The following HMGCLL1 variants were observed in gnomAD, a reference collection of about 807,000 sequenced individuals.
The protein encoded by HMGCLL1 is 3-hydroxymethyl-3-methylglutaryl-CoA lyase, cytoplasmic.
In HMGCLL1, 36 loss-of-function variants were observed where a neutral mutation model predicts 39.1. That is an observed-to-expected ratio of 0.92 (90% CI 0.71 to 1.22). The LOEUF (loss-of-function observed/expected upper bound fraction) is 1.22, where lower values mean the gene tolerates loss of function less well. HMGCLL1 is among the 50% of genes most tolerant of loss of function. The probability of loss-of-function intolerance (pLI) is 0.00; values close to 1 mark genes in which losing one functional copy is unlikely to be tolerated. For synonymous variants in HMGCLL1, 149 were observed against 144.0 expected, an observed-to-expected ratio of 1.03 and a Z score of -0.25; for missense variants, 451 against 416.5, an observed-to-expected ratio of 1.08 and a Z score of -0.72.
chr6:55,439,636 T>C (rs183025774), intron 7 of HMGCLL1, 77 bp from the exon 8 acceptor site: 4 of 1,515,806 alleles, frequency 2.6e-6, no homozygotes, highest in Admixed American at 1.8e-5. Flanking sequence ...TAACCTATGG[T>C]AAACTGCAAA....
chr6:55,584,906 T>C, the HMGCLL1 span, among the ~76,000 whole-genome samples: 2 of 151,600 alleles, frequency 1.3e-5, no homozygotes, highest in Admixed American at 6.6e-5. Flanking sequence ...CCTTAAACAA[T>C]AAAAAAGAAA....
At chr6:55,662,126 T>C in the HMGCLL1 span, among the ~76,000 whole-genome samples, 2 of 151,842 alleles carry the variant, frequency 1.3e-5, no homozygotes. Context: ...AATCATGTTG[T>C]CTCCAAACAG....
chr6:55,532,029 G>C (rs969961891), intron 3 of HMGCLL1, among the ~76,000 whole-genome samples: 1 of 152,038 alleles, frequency 6.6e-6, no homozygotes, highest in African/African-American at 2.4e-5. Flanking sequence ...CCACCTCCCC[G>C]TTTGTGGAAA....
At chr6:55,456,518 G>A (rs1764328487) in intron 7 of HMGCLL1, among the ~76,000 whole-genome samples, 1 of 152,132 alleles carries the variant, frequency 6.6e-6, no homozygotes, top group African/African-American at 2.4e-5. Context: ...TCACGTCTTT[G>A]CTCTTCATCA....
chr6:55,459,960 G>A (rs1764486371), intron 7 of HMGCLL1, among the ~76,000 whole-genome samples: 1 of 151,956 alleles, frequency 6.6e-6, no homozygotes, highest in South Asian at 2.1e-4. Context: ...TCATTTTAGA[G>A]AAACTTCATT....
Position 55,533,737 on chromosome 6 carries a change from T to C in HMGCLL1, c.297+7992A>G, listed in dbSNP as rs369648379. ...CCGTCTCTACTAAAAATACAAAAAA[T>C]TAGCCGGGCGTGGTAGCGGGCGCCT... On this transcript the variant is annotated intron_variant, in intron 3 of 8. Transcript: ENST00000274901. Among the ~76,000 whole-genome samples the C allele has an allele frequency of 5.6e-3, 832 of 149,352 alleles. 11 individuals are homozygous for C. The highest frequency in any genetic ancestry group is 0.019 in the African/African-American group (787 of 40,694).
chr6:55,449,233 C>T, intron 7 of HMGCLL1, among the ~76,000 whole-genome samples: 1 of 152,190 alleles, frequency 6.6e-6, no homozygotes, highest in South Asian at 2.1e-4. Flanking sequence ...TACCAAGCTG[C>T]CCTGTACTTA....
intron 3 of HMGCLL1, among the ~76,000 whole-genome samples, chr6:55,520,340 A>C (rs139150541): frequency 6.6e-6 from 1 of 151,968 alleles, no homozygotes; most frequent in Non-Finnish European, 1.5e-5. Context: ...GAAAACTAAA[A>C]ATTGATAATC....
chr6:55,587,433 C>T, the HMGCLL1 span, among the ~76,000 whole-genome samples: 9 of 151,948 alleles, frequency 5.9e-5, no homozygotes, highest in East Asian at 1.9e-4. Context: ...AACATGGAAA[C>T]GAACAACCGG....
chr6:55,474,221 CCTT>C (rs1319601847), intron 7 of HMGCLL1, among the ~76,000 whole-genome samples: 1 of 151,466 alleles, frequency 6.6e-6, no homozygotes, highest in Non-Finnish European at 1.5e-5. Context: ...TGTTTCTTCT[CCTT>C]CTGGCATTTT....
the HMGCLL1 span, among the ~76,000 whole-genome samples, chr6:55,585,490 T>C: frequency 6.6e-6 from 1 of 152,266 alleles, no homozygotes; most frequent in East Asian, 1.9e-4. Context: ...TGATAAATTT[T>C]GGTGGGTTAT....
chr6:55,495,387 C>A (rs751492031), intron 7 of HMGCLL1, 32 bp downstream of exon 7: 1 of 1,528,866 alleles, frequency 6.5e-7, no homozygotes, highest in Non-Finnish European at 9.0e-7. Context: ...ACACCCTATG[C>A]ACACACATAA....
At chr6:55,443,627 C>T (rs1366767841) in intron 7 of HMGCLL1, among the ~76,000 whole-genome samples, 1 of 151,154 alleles carries the variant, frequency 6.6e-6, no homozygotes, top group African/African-American at 2.4e-5. Context: ...CACAGAGGAA[C>T]AATAAATGAC....
At chr6:55,521,071 C>T (rs1220290256) in intron 3 of HMGCLL1, among the ~76,000 whole-genome samples, 1 of 152,100 alleles carries the variant, frequency 6.6e-6, no homozygotes, top group Non-Finnish European at 1.5e-5. Flanking sequence ...CGTAATTAAA[C>T]TGGGATAGTT....
the HMGCLL1 span, among the ~76,000 whole-genome samples, chr6:55,619,785 A>G: frequency 1.3e-5 from 2 of 152,042 alleles, no homozygotes; most frequent in Non-Finnish European, 2.9e-5. Flanking sequence ...CAAATAGTAG[A>G]TCTTACTCAT....
intron 3 of HMGCLL1, among the ~76,000 whole-genome samples, chr6:55,541,462 A>T (rs1376229155): frequency 6.6e-6 from 1 of 152,140 alleles, no homozygotes; most frequent in Non-Finnish European, 1.5e-5. Context: ...TGATAAAGAA[A>T]GGGCAGACCC....
At chr6:55,537,544 T>A (rs1419764116) in intron 3 of HMGCLL1, among the ~76,000 whole-genome samples, 1 of 151,984 alleles carries the variant, frequency 6.6e-6, no homozygotes, top group Non-Finnish European at 1.5e-5. Flanking sequence ...GATCCATCCA[T>A]CAGTATGTCT....
chr6:55,628,509 A>C, the HMGCLL1 span, among the ~76,000 whole-genome samples: 20 of 151,558 alleles, frequency 1.3e-4, no homozygotes, highest in Non-Finnish European at 2.7e-4. Flanking sequence ...TTGCCATGTT[A>C]GCCAGGCTGG....
the HMGCLL1 span, among the ~76,000 whole-genome samples, chr6:55,644,069 T>C: frequency 6.6e-6 from 1 of 152,078 alleles, no homozygotes; most frequent in South Asian, 2.1e-4. Flanking sequence ...CAGGGCTTAC[T>C]ACTGCCTGTC....
Sources: gnomAD v4.1 joint callset for allele counts (sites outside exome capture counted in the v4.1 genomes callset) on GRCh38, gnomAD v4.1.1 for gene constraint, MANE v1.5 for transcripts, NCBI Gene and HGNC (gene_info 2026-07-23, HGNC 2026-07-21) for gene names.